TNFRSF8: variants seen among roughly 807,000 people sequenced by gnomAD.
TNFRSF8 encodes the protein tumor necrosis factor receptor superfamily member 8.
TNFRSF8 carries 26 observed loss-of-function variants against 70.8 expected under a neutral mutation model. The ratio of observed to expected loss-of-function variants is 0.37; its 90% confidence interval spans 0.27 to 0.51. The LOEUF (loss-of-function observed/expected upper bound fraction) is 0.51. Ranked by LOEUF, TNFRSF8 falls within the 20% of genes least tolerant of loss-of-function variation. The pLI, the probability that TNFRSF8 is intolerant of heterozygous loss-of-function variation, is 0.94. For synonymous variants in TNFRSF8, 356 were observed against 339.2 expected (o/e 1.05, Z -0.54); for missense variants, 720 against 807.9 (o/e 0.89, Z 1.32).
rs1183072837 is a variant in TNFRSF8, at chr1:12,138,293, C to T, written c.1400C>T (p.Pro467Leu). The T allele has an allele frequency of 3.1e-6, 5 of 1,613,514 alleles. No individual in the cohort carries two copies. Among genetic ancestry groups the T allele is most frequent in the Non-Finnish European group, 4.2e-6 (5 of 1,179,942 alleles). The change falls in exon 14 of 15, where the codon CCA (proline) becomes CTA (leucine). Residue 467 changes from proline to leucine, a missense_variant. By Grantham distance (98) the Pro-to-Leu change is moderately conservative. Transcript: ENST00000263932. This position sits in a 1 kb window ranked among gnomAD's most constrained non-coding sequence, Gnocchi z 5.7. ...VAEERGLMSQPLMETCHSVGA... is the reference protein window; with the variant it reads ...VAEERGLMSQLLMETCHSVGA... ...GAAGAGCGAGGGTTAATGAGCCAGCCACTGATGGAGACCTGCCACAGCGTG... is the reference window on the plus strand; with the variant it reads ...GAAGAGCGAGGGTTAATGAGCCAGCTACTGATGGAGACCTGCCACAGCGTG...
chr1:12,121,162 T>C (rs1430849534), intron 8 of TNFRSF8, among the ~76,000 whole-genome samples: 2 of 152,212 alleles, frequency 1.3e-5, no homozygotes, highest in African/African-American at 2.4e-5. Context: ...TTAACGAGCA[T>C]GTAGGAACCA....
At position 12,123,762 on chromosome 1, in the gene TNFRSF8, C is replaced by T. The variant is rs766650888; in HGVS notation, c.1088C>T (p.Thr363Met). The change falls in exon 10 of 15, where the codon ACG becomes ATG. Residue 363 changes from threonine (T) to methionine (M), a missense_variant. Coordinates refer to ENST00000263932, the MANE Select transcript of TNFRSF8 (RefSeq NM_001243.5). Reference protein sequence around the residue: ...SLLVDSQASKTLPIPTSAPVA... With the variant: ...SLLVDSQASKMLPIPTSAPVA... ...CTGGTGGACTCCCAGGCCAGTAAGACGCTGCCCATCCCAACCAGCGCTCCC... is the reference window on the plus strand; with the variant it reads ...CTGGTGGACTCCCAGGCCAGTAAGATGCTGCCCATCCCAACCAGCGCTCCC... The T allele has an allele frequency of 3.2e-6, 5 of 1,579,572 alleles. No homozygotes were observed. Among genetic ancestry groups the T allele is most frequent in the Middle Eastern group, 1.7e-4 (1 of 6,024 alleles).
At chr1:12,122,980 C>T (rs1376739432) in intron 8 of TNFRSF8, among the ~76,000 whole-genome samples, 1 of 152,074 alleles carries the variant, frequency 6.6e-6, no homozygotes, top group Non-Finnish European at 1.5e-5. Context: ...AGGTGTGTGC[C>T]ATCACACCTG....
intron 2 of TNFRSF8, among the ~76,000 whole-genome samples, chr1:12,090,477 C>T (rs991302597): frequency 1.3e-5 from 2 of 150,954 alleles, no homozygotes; most frequent in Non-Finnish European, 3.0e-5. Context: ...CTCATCCATC[C>T]ACGTACCCAC....
intron 2 of TNFRSF8, among the ~76,000 whole-genome samples, chr1:12,085,617 A>G (rs1641140679): frequency 6.6e-6 from 1 of 152,022 alleles, no homozygotes; most frequent in Non-Finnish European, 1.5e-5. Flanking sequence ...TGGACAATAG[A>G]TTTCTCTGAG....
In TNFRSF8 at chr1:12,142,777, T is replaced by C. The variant is rs969195920; in HGVS notation, c.*246T>C. 7 of 513,202 alleles carry C rather than the reference T, an allele frequency of 1.4e-5. No homozygotes were observed. Among genetic ancestry groups the C allele is most frequent in the African/African-American group, 7.6e-5 (4 of 52,318 alleles). 31.8% of individuals were successfully genotyped at this position (513,202 alleles called of 1,614,324 possible). The stretch of plus-strand genomic sequence containing the variant: ...TACAGAAGAGACAGTCCAAGGGGAC[T>C]GGATCCCAGCAGTGATGTTGGTTGA... On this transcript the variant is annotated 3_prime_UTR_variant, in exon 15 of 15. Transcript: ENST00000263932. This position sits in a 1 kb window ranked among gnomAD's most constrained non-coding sequence, Gnocchi z 5.0.
intron 12 of TNFRSF8, among the ~76,000 whole-genome samples, chr1:12,126,815 G>A (rs571322234): frequency 6.6e-6 from 1 of 152,382 alleles, no homozygotes; most frequent in East Asian, 1.9e-4. Flanking sequence ...TACTTCAGAG[G>A]CTTGGCCTGT....
At chr1:12,081,458 C>A (rs536070265) in intron 1 of TNFRSF8, among the ~76,000 whole-genome samples, 59 of 152,152 alleles carry the variant, frequency 3.9e-4, no homozygotes, top group African/African-American at 1.4e-3. Context: ...TTCCTGCCCC[C>A]CTGGAGAGGC....
chr1:12,106,258 TG>T (rs1641522143), intron 4 of TNFRSF8, among the ~76,000 whole-genome samples: 1 of 152,114 alleles, frequency 6.6e-6, no homozygotes, highest in Non-Finnish European at 1.5e-5. Flanking sequence ...GGAGGACGTG[TG>T]TGCTTCTCTG....
At chr1:12,082,540 ACC>A (rs1488266710) in intron 1 of TNFRSF8, among the ~76,000 whole-genome samples, 6 of 121,738 alleles carry the variant, frequency 4.9e-5, no homozygotes, top group African/African-American at 2.1e-4. Flanking sequence ...ACAGAGTGAG[ACC>A]CTGTCTCAAA....
At chr1:12,089,761 G>T (rs1013694222) in intron 2 of TNFRSF8, among the ~76,000 whole-genome samples, 2 of 152,076 alleles carry the variant, frequency 1.3e-5, no homozygotes, top group African/African-American at 4.8e-5. Context: ...AAGAATGGGA[G>T]CTTACAGTGA....
intron 2 of TNFRSF8, among the ~76,000 whole-genome samples, chr1:12,096,185 T>G (rs987717689): frequency 6.6e-6 from 1 of 152,066 alleles, no homozygotes; most frequent in African/African-American, 2.4e-5. Context: ...GCCAATTATA[T>G]TGATGGGAAG....
At chr1:12,126,112 T>G (rs1018229316) in intron 11 of TNFRSF8, 60 bp downstream of exon 11, 2 of 1,612,896 alleles carry the variant, frequency 1.2e-6, no homozygotes, top group African/African-American at 2.7e-5. Context: ...CAGCCTGGCC[T>G]GGGTTCTTTC....
chr1:12,066,084 A>G (rs187843348), intron 1 of TNFRSF8, among the ~76,000 whole-genome samples: 23 of 152,232 alleles, frequency 1.5e-4, no homozygotes, highest in Admixed American at 1.4e-3. Context: ...ATTTTTCTCA[A>G]TGTGATTAGT....
rs1570047978 is a variant in TNFRSF8 at position 12,113,805 on chromosome 1, C to A, written c.794-1772C>A. On this transcript the variant is annotated intron_variant, in intron 7 of 14. Coordinates refer to ENST00000263932, the MANE Select transcript of TNFRSF8 (RefSeq NM_001243.5). The surrounding 1 kb of genome is among the most constrained non-coding windows in gnomAD (Gnocchi z 4.9). The stretch of plus-strand genomic sequence containing the variant: ...AGAGACAGACAGAGGCAGCAGCCAC[C>A]CCTCCTTTTATGACCTGGCCTTGGA... Among the ~76,000 whole-genome samples, 1 of 152,108 alleles carries A rather than the reference C, an allele frequency of 6.6e-6. No homozygotes were observed. Among genetic ancestry groups the A allele is most frequent in the South Asian group, 2.1e-4 (1 of 4,822 alleles).
intron 12 of TNFRSF8, among the ~76,000 whole-genome samples, chr1:12,129,783 G>A (rs1477342749): frequency 6.6e-6 from 1 of 152,162 alleles, no homozygotes; most frequent in Non-Finnish European, 1.5e-5. Context: ...CGGAGGTGAT[G>A]TCCTGCCGGG....
At position 12,097,133 on chromosome 1, in the gene TNFRSF8, C is replaced by T; in HGVS notation, c.184C>T (p.Pro62Ser). ...CCCGACACAGCAGTGCCCACAGAGG[C>T]CTACTGACTGCAGGAAGCAGTGTGA... ...LFPTQQCPQRPTDCRKQCEPD... is the reference protein window; with the variant it reads ...LFPTQQCPQRSTDCRKQCEPD... Residue 62 changes from proline to serine, a missense_variant, in exon 3 of 15, where the codon CCT becomes TCT. Physicochemically the swap from Pro to Ser is moderately conservative, Grantham distance 74. Coordinates refer to ENST00000263932, the MANE Select transcript of TNFRSF8 (RefSeq NM_001243.5). The T allele has an allele frequency of 6.2e-7, 1 of 1,614,058 alleles. No homozygotes were observed. The highest frequency in any genetic ancestry group is 8.5e-7 in the Non-Finnish European group (1 of 1,179,984).
intron 2 of TNFRSF8, among the ~76,000 whole-genome samples, chr1:12,087,969 G>A (rs947251943): frequency 6.6e-6 from 1 of 152,044 alleles, no homozygotes; most frequent in South Asian, 2.1e-4. Context: ...CGTGTAGCCA[G>A]AGAAGAAAAA....
Position 12,093,895 on chromosome 1 carries a change from C to A in TNFRSF8, c.152-3206C>A, listed in dbSNP as rs189170441. 2.2e-3 allele frequency among the ~76,000 whole-genome samples: 340 copies of A among 151,884 alleles called. 1 individual carries two copies. The highest frequency in any genetic ancestry group is 7.7e-3 in the African/African-American group (317 of 41,436). The stretch of plus-strand genomic sequence containing the variant: ...GAGCATCTTGGCTAACACGGTGAAA[C>A]CCCGTCTCTACTAAAAATACAAACA... On this transcript the variant is annotated intron_variant, in intron 2 of 14. Transcript: ENST00000263932.
Sources: gnomAD v4.1 joint callset for allele counts (sites outside exome capture counted in the v4.1 genomes callset) on GRCh38, gnomAD v4.1.1 for gene constraint, Gnocchi (gnomAD v3.1) non-coding constraint, MANE v1.5 for transcripts, NCBI Gene and HGNC (gene_info 2026-07-23, HGNC 2026-07-21) for gene names.